Variants in DNM3 observed in about 807,000 individuals in gnomAD.
The protein encoded by DNM3 is dynamin 3.
In DNM3, 47 loss-of-function variants were observed where a neutral mutation model predicts 101.6. The observed-to-expected ratio is 0.46, with a 90% confidence interval of 0.37 to 0.59. DNM3 has a LOEUF of 0.59. Ranked by LOEUF, DNM3 falls within the 20% of genes least tolerant of loss-of-function variation. The pLI is 0.00. For synonymous variants in DNM3, 385 were observed against 387.9 expected (o/e 0.99, Z 0.09); for missense variants, 849 against 1,085.7 (o/e 0.78, Z 3.06).
In DNM3 at chr1:171,853,438, A is replaced by G. The variant is rs1239376822; in HGVS notation, c.161+11621A>G. Among the ~76,000 whole-genome samples, 4 of 152,198 alleles carry G rather than the reference A, an allele frequency of 2.6e-5. 1 individual carries two copies. Among genetic ancestry groups the G allele is most frequent in the Admixed American group, 2.0e-4 (3 of 15,278 alleles). On this transcript the variant is annotated intron_variant, in intron 1 of 20. Coordinates refer to ENST00000627582, the MANE Select transcript of DNM3 (RefSeq NM_015569.5). The stretch of plus-strand genomic sequence containing the variant: ...TGCCTTGGCCTCCCAAAGTGGTGGC[A>G]TTACAGGCATGAACCACTGTGCCTG...
chr1:172,350,201 A>G (rs2067133750), intron 17 of DNM3, among the ~76,000 whole-genome samples: 1 of 152,148 alleles, frequency 6.6e-6, no homozygotes, highest in Non-Finnish European at 1.5e-5. Context: ...AATGAAAGTC[A>G]CCTTCTGGGT....
intron 15 of DNM3, among the ~76,000 whole-genome samples, chr1:172,305,592 T>C (rs1411255068): frequency 6.6e-6 from 1 of 152,146 alleles, no homozygotes; most frequent in African/African-American, 2.4e-5. Flanking sequence ...AAAGAGAATT[T>C]TAGAACAATA....
At chr1:172,130,824 T>A (rs1041670934) in intron 13 of DNM3, among the ~76,000 whole-genome samples, 5 of 152,200 alleles carry the variant, frequency 3.3e-5, no homozygotes, top group Admixed American at 1.3e-4. Context: ...ATGGAGAGTC[T>A]ATTGTTCATC....
chr1:171,933,312 C>T (rs1049070212), intron 2 of DNM3, among the ~76,000 whole-genome samples: 2 of 152,084 alleles, frequency 1.3e-5, no homozygotes, highest in East Asian at 1.9e-4. Flanking sequence ...TTTGCTTGTG[C>T]CTTCAGATCT....
chr1:172,388,538 G>A (rs763377065), intron 19 of DNM3, 35 bp from the exon 20 acceptor site: 78 of 1,552,186 alleles, frequency 5.0e-5, no homozygotes, highest in Non-Finnish European at 6.6e-5. Context: ...ACAGAAAGGA[G>A]GAGTGAGCAA....
intron 1 of DNM3, among the ~76,000 whole-genome samples, chr1:171,870,920 AG>A (rs2035217475): frequency 6.6e-6 from 1 of 152,122 alleles, no homozygotes; most frequent in Non-Finnish European, 1.5e-5. Context: ...ACAGAGAAAA[AG>A]GTGGAAGATG....
At chr1:172,328,754 T>C (rs2181098) in intron 17 of DNM3, among the ~76,000 whole-genome samples, 25,207 of 152,142 alleles carry the variant, frequency 0.17, 2,505 homozygotes, top group African/African-American at 0.26. Context: ...AATTAACCTA[T>C]ATAACAAACC....
intron 17 of DNM3, among the ~76,000 whole-genome samples, chr1:172,343,626 G>A (rs1247070731): frequency 6.6e-6 from 1 of 152,098 alleles, no homozygotes; most frequent in Non-Finnish European, 1.5e-5. Context: ...AATCATAGAA[G>A]CAGCCAGCTG....
intron 14 of DNM3, chr1:172,137,788 T>C (rs1158516228): frequency 1.3e-5 from 2 of 152,168 alleles, no homozygotes; most frequent in Non-Finnish European, 2.9e-5. Context: ...TCTAATTTTA[T>C]CCATCTTCCC....
chr1:171,875,912 G>C (rs4916236), intron 1 of DNM3, among the ~76,000 whole-genome samples: 1 of 146,914 alleles, frequency 6.8e-6, no homozygotes, highest in Non-Finnish European at 1.5e-5. Flanking sequence ...CTGGGTTCAA[G>C]TGATTCTTGT....
intron 20 of DNM3, among the ~76,000 whole-genome samples, chr1:172,398,426 T>C (rs899138189): frequency 6.6e-6 from 1 of 152,218 alleles, no homozygotes; most frequent in Non-Finnish European, 1.5e-5. Flanking sequence ...AATAGTTCTC[T>C]GTGGGTGAGA....
intron 10 of DNM3, among the ~76,000 whole-genome samples, chr1:172,061,606 C>T (rs1034878303): frequency 6.6e-6 from 1 of 150,434 alleles, no homozygotes; most frequent in African/African-American, 2.4e-5. Flanking sequence ...GAACAAAAAA[C>T]CAAACACTGC....
chr1:172,128,589 T>G (rs2056767691), intron 13 of DNM3, among the ~76,000 whole-genome samples: 1 of 152,230 alleles, frequency 6.6e-6, no homozygotes, highest in Non-Finnish European at 1.5e-5. Context: ...CATTTTGACA[T>G]GCAATAATTG....
At chr1:171,950,423 A>T (rs1366384032) in intron 2 of DNM3, among the ~76,000 whole-genome samples, 1 of 152,180 alleles carries the variant, frequency 6.6e-6, no homozygotes, top group East Asian at 1.9e-4. Context: ...ATTCTTCAGC[A>T]TACTGTGTTA....
At chr1:171,950,958 C>T (rs915554276) in intron 2 of DNM3, among the ~76,000 whole-genome samples, 1 of 152,156 alleles carries the variant, frequency 6.6e-6, no homozygotes, top group Non-Finnish European at 1.5e-5. Flanking sequence ...TCCTTCTCCT[C>T]CTCTTCCTCC....
chr1:172,201,795 G>T (rs577223312), intron 14 of DNM3, among the ~76,000 whole-genome samples: 4 of 152,220 alleles, frequency 2.6e-5, no homozygotes, highest in Non-Finnish European at 5.9e-5. Flanking sequence ...TCTGGCAGGG[G>T]TTGGCTGGAG....
chr1:172,057,506 C>T (rs2125896767), intron 10 of DNM3, among the ~76,000 whole-genome samples: 1 of 152,342 alleles, frequency 6.6e-6, no homozygotes, highest in Non-Finnish European at 1.5e-5. Flanking sequence ...TCAGCAGAAA[C>T]TCTACAAGCC....
At chr1:171,971,540 C>T (rs920539325) in intron 2 of DNM3, among the ~76,000 whole-genome samples, 2 of 151,956 alleles carry the variant, frequency 1.3e-5, no homozygotes, top group African/African-American at 4.8e-5. Context: ...AGTAGTAGTT[C>T]TTTAATTCTT....
chr1:172,412,452 A>AATT lies in DNM3; in HGVS notation c.*4612_*4614dup, dbSNP rs2071265351. ...TTTTTACTTTCCCTTTTTTGGGTCA[A>AATT]ATTTTTCTTTTGCTTTGTTTGAAGA... On this transcript the variant is annotated 3_prime_UTR_variant, in exon 21 of 21. Transcript: ENST00000627582. The AATT allele has an allele frequency of 1.0e-6, 1 of 985,544 alleles. No homozygotes were observed. Among genetic ancestry groups the AATT allele is most frequent in the Admixed American group, 6.2e-5 (1 of 16,244 alleles). The allele number at this position is 985,544 out of a possible 1,614,324, so 61.0% of individuals were successfully genotyped here. A position where few individuals can be genotyped will look rare whatever the true frequency, so the allele number is the denominator to read the frequency against.
Sources: gnomAD v4.1 joint callset for allele counts (sites outside exome capture counted in the v4.1 genomes callset) on GRCh38, gnomAD v4.1.1 for gene constraint, MANE v1.5 for transcripts, NCBI Gene and HGNC (gene_info 2026-07-23, HGNC 2026-07-21) for gene names.